SLC12A7: variants seen among roughly 807,000 people sequenced by gnomAD.
SLC12A7 encodes the protein K-Cl cotransporter 4.
A neutral mutation model predicts 120.6 loss-of-function variants in SLC12A7; 100 were observed. The ratio of observed to expected loss-of-function variants is 0.83; its 90% CI spans 0.71 to 0.98. SLC12A7 has a LOEUF of 0.98. SLC12A7 is among the 50% of genes least tolerant of loss of function. SLC12A7 has a pLI of 0.00. For missense variants in SLC12A7, 1,373 were observed against 1,548.1 expected (o/e 0.89, Z 1.90); for synonymous variants, 760 against 678.0 (o/e 1.12, Z -1.88).
At chr5:1,068,365 T>C (rs147201773) in intron 17 of SLC12A7, among the ~76,000 whole-genome samples, 6,558 of 152,122 alleles carry the variant, frequency 0.043, 304 homozygotes, top group African/African-American at 0.12. Context: ...ACTCGGGAGG[T>C]GGAGGTTGCA....
chr5:1,088,470 A>C (rs1215591108), intron 4 of SLC12A7, 110 bp from the exon 5 acceptor site: 2 of 1,158,970 alleles, frequency 1.7e-6, no homozygotes, highest in Non-Finnish European at 1.3e-6. Flanking sequence ...GCCAGCCCCC[A>C]ACTCCAGGGC....
At chr5:1,129,944 G>T in the SLC12A7 span, among the ~76,000 whole-genome samples, 2 of 152,106 alleles carry the variant, frequency 1.3e-5, no homozygotes, top group Non-Finnish European at 2.9e-5. Flanking sequence ...AGGAGCCAGA[G>T]GGTCAGGGGT....
At chr5:1,091,282 T>C (rs1740466616) in intron 3 of SLC12A7, among the ~76,000 whole-genome samples, 1 of 152,208 alleles carries the variant, frequency 6.6e-6, no homozygotes, top group Non-Finnish European at 1.5e-5. Flanking sequence ...GTTTCAGTCA[T>C]GTCTCAGTAC....
intron 9 of SLC12A7, among the ~76,000 whole-genome samples, chr5:1,080,569 A>T (rs1738931968): frequency 6.6e-6 from 1 of 152,336 alleles, no homozygotes; most frequent in African/African-American, 2.4e-5. Flanking sequence ...AGGGACCAGA[A>T]GGGCAGCTGC....
the SLC12A7 span, among the ~76,000 whole-genome samples, chr5:1,118,338 A>G: frequency 6.6e-6 from 1 of 152,198 alleles, no homozygotes; most frequent in Non-Finnish European, 1.5e-5. Flanking sequence ...CGGTTACATG[A>G]GGGGGAGTCC....
chr5:1,075,258 C>T, intron 15 of SLC12A7, 113 bp downstream of exon 15: 1 of 1,431,768 alleles, frequency 7.0e-7, no homozygotes, highest in Non-Finnish European at 9.4e-7. Context: ...CCTGTGAGGG[C>T]ACACGACGCT....
At chr5:1,141,324 A>AAT in the SLC12A7 span, among the ~76,000 whole-genome samples, 8 of 152,186 alleles carry the variant, frequency 5.3e-5, no homozygotes, top group Admixed American at 5.2e-4. Flanking sequence ...GCTCCCTCCC[A>AAT]ATACCATCAC....
the SLC12A7 span, among the ~76,000 whole-genome samples, chr5:1,136,985 CAGGACACACATG>C: frequency 7.3e-6 from 1 of 136,646 alleles, no homozygotes; most frequent in Non-Finnish European, 1.5e-5. Context: ...CACACACCAC[CAGGACACACATG>C]TGCACACACA....
At chr5:1,154,468 G>A in the SLC12A7 span, among the ~76,000 whole-genome samples, 9 of 151,166 alleles carry the variant, frequency 6.0e-5, no homozygotes, top group East Asian at 1.6e-3. Flanking sequence ...CACCTCATAT[G>A]CCATACACAC....
chr5:1,144,862 G>A, the SLC12A7 span, among the ~76,000 whole-genome samples: 1 of 152,218 alleles, frequency 6.6e-6, no homozygotes, highest in East Asian at 1.9e-4. Flanking sequence ...GCCTCCGAGC[G>A]GCAGAAAGCA....
intron 7 of SLC12A7, 124 bp from the exon 8 acceptor site, chr5:1,084,080 C>T (rs1739533569): frequency 1.3e-6 from 1 of 763,486 alleles, no homozygotes. Context: ...CCTGCACCTC[C>T]CAAGACAGGA....
chr5:1,052,831 CCA>C (rs1478191252), intron 23 of SLC12A7, among the ~76,000 whole-genome samples: 1 of 152,234 alleles, frequency 6.6e-6, no homozygotes, highest in Non-Finnish European at 1.5e-5. Flanking sequence ...CTCACTGGCC[CCA>C]GTTCTTGGTG....
chr5:1,056,746 G>A (rs1250229729), intron 22 of SLC12A7: 1 of 197,136 alleles, frequency 5.1e-6, no homozygotes, highest in Non-Finnish European at 9.2e-6. Context: ...CCTGGCTTTA[G>A]GGTCTGGCTC....
intron 17 of SLC12A7, among the ~76,000 whole-genome samples, chr5:1,069,745 G>T (rs1051603434): frequency 6.6e-6 from 1 of 150,940 alleles, no homozygotes; most frequent in Non-Finnish European, 1.5e-5. Flanking sequence ...GTGACGTGAT[G>T]GGACCCCACA....
the SLC12A7 span, among the ~76,000 whole-genome samples, chr5:1,127,744 C>T: frequency 2.0e-5 from 3 of 152,350 alleles, no homozygotes; most frequent in East Asian, 1.9e-4. Context: ...ACTTTGCCCC[C>T]CTCCTGCACA....
chr5:1,051,028 C>T lies in SLC12A7; in HGVS notation c.*1332G>A, dbSNP rs1374802341. ...CTCTTTATGGACAACCTTGTTACCACGTAACTCCCTGGGGTGTTTAAATAA... is the reference window on the plus strand; with the variant it reads ...CTCTTTATGGACAACCTTGTTACCATGTAACTCCCTGGGGTGTTTAAATAA... On this transcript the variant is annotated 3_prime_UTR_variant, in exon 24 of 24. Coordinates refer to ENST00000264930, the MANE Select transcript of SLC12A7 (RefSeq NM_006598.3). 11 of 396,924 alleles carry T rather than the reference C, an allele frequency of 2.8e-5. No individual in the cohort carries two copies. Among genetic ancestry groups the T allele is most frequent in the Non-Finnish European group, 4.9e-5 (11 of 225,992 alleles). 24.6% of individuals were successfully genotyped at this position (396,924 alleles called of 1,614,324 possible).
At chr5:1,053,692 G>A (rs1012449231) in intron 22 of SLC12A7, among the ~76,000 whole-genome samples, 5 of 152,222 alleles carry the variant, frequency 3.3e-5, no homozygotes, top group African/African-American at 7.2e-5. Flanking sequence ...GTTCAGCAGC[G>A]GGATGCTTTG....
chr5:1,073,680 C>T lies in SLC12A7; in HGVS notation c.2194G>A (p.Glu732Lys). 1 of 1,600,670 alleles carries T rather than the reference C, an allele frequency of 6.2e-7. No homozygotes were observed. Among genetic ancestry groups the T allele is most frequent in the South Asian group, 1.1e-5 (1 of 90,216 alleles). The part of the protein sequence containing the change: ...KGLTIVGSVL[E>K]GTYLDKHMEA... ...ATGTGCTTGTCCAGGTACGTCCCCT[C>T]CAGCACCGAGCCCACGATGGTCAGG... Residue 732 changes from glutamate to lysine, a missense_variant, in exon 17 of 24, where the codon GAG becomes AAG. Transcript: ENST00000264930.
intron 11 of SLC12A7, 100 bp from the exon 12 acceptor site, chr5:1,078,107 G>C: frequency 7.3e-7 from 1 of 1,377,404 alleles, no homozygotes; most frequent in Non-Finnish European, 9.6e-7. Context: ...AGTGCAGTGG[G>C]GGCGACTCCT....
Sources: gnomAD v4.1 joint callset for allele counts (sites outside exome capture counted in the v4.1 genomes callset) on GRCh38, gnomAD v4.1.1 for gene constraint, MANE v1.5 for transcripts, NCBI Gene and HGNC (gene_info 2026-07-23, HGNC 2026-07-21) for gene names.